The following ROBO2 variants were observed in gnomAD, a reference collection of about 807,000 sequenced individuals.
The protein encoded by ROBO2 is roundabout homolog 2.
A neutral mutation model predicts 160.8 loss-of-function variants in ROBO2; 53 were observed. That is an observed-to-expected ratio of 0.33 (90% confidence interval 0.26 to 0.41). ROBO2 has a LOEUF of 0.41. Ranked by LOEUF, ROBO2 falls within the 10% of genes least tolerant of loss-of-function variation. ROBO2 has a pLI of 1.00. For missense variants in ROBO2, 1,577 were observed against 1,722.4 expected (o/e 0.92, Z 1.49); for synonymous variants, 664 against 611.7 (o/e 1.09, Z -1.26).
At chr3:76,126,729 G>A (rs2071004316) in intron 2 of ROBO2, among the ~76,000 whole-genome samples, 1 of 152,048 alleles carries the variant, frequency 6.6e-6, no homozygotes. Flanking sequence ...AGGGAATACA[G>A]TATCATGTTC....
At chr3:76,248,255 T>C (rs1011676431) in intron 2 of ROBO2, among the ~76,000 whole-genome samples, 1 of 151,984 alleles carries the variant, frequency 6.6e-6, no homozygotes, top group African/African-American at 2.4e-5. Flanking sequence ...TGTCCACCAA[T>C]GATAGACTGG....
chr3:76,964,717 G>C (rs1175918276), intron 2 of ROBO2, among the ~76,000 whole-genome samples: 1 of 152,128 alleles, frequency 6.6e-6, no homozygotes, highest in Non-Finnish European at 1.5e-5. Flanking sequence ...TGTTATTCCT[G>C]ACTTTACATT....
intron 2 of ROBO2, chr3:76,434,659 A>G: frequency 8.2e-7 from 1 of 1,225,270 alleles, no homozygotes; most frequent in East Asian, 2.3e-5. Context: ...GGACTCTGCC[A>G]TCTGGACCCT....
chr3:76,890,812 G>C (rs937009770), intron 2 of ROBO2, among the ~76,000 whole-genome samples: 3 of 151,954 alleles, frequency 2.0e-5, no homozygotes, highest in African/African-American at 7.3e-5. Flanking sequence ...TCTACTGTTT[G>C]CTCCTCTTAT....
chr3:77,397,574 G>A (rs572907612), intron 2 of ROBO2, among the ~76,000 whole-genome samples: 3 of 152,110 alleles, frequency 2.0e-5, no homozygotes, highest in African/African-American at 7.2e-5. Flanking sequence ...GAAACCTCTT[G>A]ATGCCCTCCT....
At chr3:76,182,255 A>G (rs566757393) in intron 2 of ROBO2, among the ~76,000 whole-genome samples, 2 of 152,280 alleles carry the variant, frequency 1.3e-5, no homozygotes, top group South Asian at 4.1e-4. Flanking sequence ...TATTTAGTCA[A>G]TTACAACCTG....
intron 2 of ROBO2, among the ~76,000 whole-genome samples, chr3:76,668,167 A>T (rs2092126042): frequency 6.6e-6 from 1 of 152,024 alleles, no homozygotes; most frequent in Admixed American, 6.6e-5. Context: ...CGGCCCCATT[A>T]TGGCTCACTG....
chr3:76,047,242 T>C (rs186247756), intron 2 of ROBO2, among the ~76,000 whole-genome samples: 1 of 152,258 alleles, frequency 6.6e-6, no homozygotes, highest in African/African-American at 2.4e-5. Context: ...TGTACAAAGG[T>C]TGAACTTGTG....
chr3:76,294,778 A>G (rs748670739), intron 2 of ROBO2, among the ~76,000 whole-genome samples: 33 of 152,356 alleles, frequency 2.2e-4, no homozygotes, highest in South Asian at 6.2e-4. Flanking sequence ...TTTGCAGGCA[A>G]TAGCCAGTGG....
chr3:77,640,383 G>A (rs564718869), intron 24 of ROBO2, among the ~76,000 whole-genome samples: 6 of 152,268 alleles, frequency 3.9e-5, no homozygotes, highest in African/African-American at 1.4e-4. Context: ...AAAGTGCTGC[G>A]ATTTACAGGC....
chr3:77,417,604 A>G (rs1356345069), intron 2 of ROBO2, among the ~76,000 whole-genome samples: 1 of 152,106 alleles, frequency 6.6e-6, no homozygotes, highest in Non-Finnish European at 1.5e-5. Flanking sequence ...CAATCCACAA[A>G]AACTCCATTG....
At chr3:75,937,673 T>G in intron 2 of ROBO2, 1 of 978,846 alleles carries the variant, frequency 1.0e-6, no homozygotes, top group South Asian at 2.2e-5. Flanking sequence ...ATTATGTGAG[T>G]CTTTGGTTCG....
At chr3:76,957,197 C>T (rs562562560) in intron 2 of ROBO2, among the ~76,000 whole-genome samples, 1 of 151,990 alleles carries the variant, frequency 6.6e-6, no homozygotes, top group Admixed American at 6.6e-5. Flanking sequence ...ATGGCTGAAT[C>T]GTTTATCTGT....
intron 2 of ROBO2, among the ~76,000 whole-genome samples, chr3:77,396,636 C>A (rs773995914): frequency 1.3e-5 from 2 of 152,106 alleles, no homozygotes; most frequent in Non-Finnish European, 2.9e-5. Flanking sequence ...TAGACATAAT[C>A]ATCATATTAG....
intron 14 of ROBO2, among the ~76,000 whole-genome samples, 161 bp downstream of exon 15, chr3:77,574,891 A>G (rs940476099): frequency 6.6e-6 from 1 of 152,104 alleles, no homozygotes; most frequent in Admixed American, 6.6e-5. Flanking sequence ...ATAGAATCTG[A>G]CAAGCAGAAA....
chr3:77,341,572 C>T (rs1283267918), intron 2 of ROBO2, among the ~76,000 whole-genome samples: 1 of 152,056 alleles, frequency 6.6e-6, no homozygotes, highest in Non-Finnish European at 1.5e-5. Flanking sequence ...GAAGCAGCAA[C>T]ATGTTGTATA....
chr3:75,950,367 AACTGAAGG>A (rs576343610), intron 2 of ROBO2, among the ~76,000 whole-genome samples: 56 of 152,260 alleles, frequency 3.7e-4, no homozygotes, highest in African/African-American at 1.3e-3. Context: ...TTTGTTAAGG[AACTGAAGG>A]ATTACATATA....
intron 2 of ROBO2, among the ~76,000 whole-genome samples, chr3:76,728,810 A>G (rs2093590541): frequency 6.6e-6 from 1 of 152,250 alleles, no homozygotes; most frequent in South Asian, 2.1e-4. Context: ...ACTGCTAAAA[A>G]TGTGCCAGAG....
At chr3:76,020,633 C>A (rs1279389504) in intron 2 of ROBO2, among the ~76,000 whole-genome samples, 1 of 151,800 alleles carries the variant, frequency 6.6e-6, no homozygotes, top group Non-Finnish European at 1.5e-5. Flanking sequence ...TTTAGTCTTA[C>A]TTATTGTTCC....
Sources: gnomAD v4.1 joint callset for allele counts (sites outside exome capture counted in the v4.1 genomes callset) on GRCh38, gnomAD v4.1.1 for gene constraint, MANE v1.5 for transcripts, NCBI Gene and HGNC (gene_info 2026-07-23, HGNC 2026-07-21) for gene names.